MYO7A: variants seen among roughly 807,000 people sequenced by gnomAD.
The protein encoded by MYO7A is unconventional myosin-VIIa.
MYO7A carries 210 observed loss-of-function variants against 263.8 expected under a neutral mutation model. The ratio of observed to expected loss-of-function variants is 0.80; its 90% confidence interval spans 0.71 to 0.89. The LOEUF (loss-of-function observed/expected upper bound fraction) is 0.89, where lower values mean the gene tolerates loss of function less well. MYO7A is among the 40% of genes least tolerant of loss of function. MYO7A has a pLI of 0.00. For synonymous variants in MYO7A, 1,239 were observed against 1,197.3 expected, an observed-to-expected ratio of 1.03 and a Z score of -0.72; for missense variants, 2,820 against 2,968.3, an observed-to-expected ratio of 0.95 and a Z score of 1.16.
At chr11:77,143,803 G>A (rs1474870171) in intron 3 of MYO7A, among the ~76,000 whole-genome samples, 1 of 152,188 alleles carries the variant, frequency 6.6e-6, no homozygotes, top group Non-Finnish European at 1.5e-5. Flanking sequence ...AGGAGAAAGA[G>A]GGTGCAGGGA....
At position 77,180,535 on chromosome 11, in the gene MYO7A, C is replaced by A; in HGVS notation, c.2694+54C>A. On this transcript the variant is annotated intron_variant, in intron 22 of 48. Coordinates refer to ENST00000409709, the MANE Select transcript of MYO7A (RefSeq NM_000260.4). ...GTGTCCACTTGCTGGCTTGTCCCCT[C>A]CCCGAGGCTGGCTTCTCATCTGTCA... The A allele has an allele frequency of 3.3e-6, 5 of 1,509,904 alleles. No individual in the cohort carries two copies. In the South Asian group the frequency reaches 5.9e-5, roughly 18 times the overall value. The allele number at this position is 1,509,904 out of a possible 1,614,324, so 93.5% of individuals were successfully genotyped here.
At position 77,182,686 on chromosome 11, in the gene MYO7A, G is replaced by GA. The variant is rs112227803; in HGVS notation, c.3285+91dup. The GA allele has an allele frequency of 0.55, 772,009 of 1,406,062 alleles. 217,511 individuals carry two copies. The highest frequency in any genetic ancestry group is 0.64 in the African/African-American group (44,676 of 69,796). 87.1% of individuals were successfully genotyped at this position (1,406,062 alleles called of 1,614,324 possible). On this transcript the variant is annotated intron_variant, in intron 25 of 48. Coordinates refer to ENST00000409709, the MANE Select transcript of MYO7A (RefSeq NM_000260.4). ...ATCACCAGCCTTGGGCTCCTCTGCAGAAAAAGGATCCTATAATTCATCTCT... is the reference window on the plus strand; with the variant it reads ...ATCACCAGCCTTGGGCTCCTCTGCAGAAAAAAGGATCCTATAATTCATCTCT...
At chr11:77,180,217 C>A (rs1349979330) in intron 21 of MYO7A, among the ~76,000 whole-genome samples, 157 bp from the exon 22 acceptor site, 1 of 151,994 alleles carries the variant, frequency 6.6e-6, no homozygotes, top group Non-Finnish European at 1.5e-5. Context: ...TGCCTCCAGC[C>A]CGCTGGGTGA....
intron 23 of MYO7A, 109 bp from the exon 24 acceptor site, chr11:77,181,842 T>A: frequency 1.1e-6 from 1 of 894,560 alleles, no homozygotes; most frequent in Non-Finnish European, 1.7e-6. Flanking sequence ...TGGAGTGCAG[T>A]AGCGTGATCA....
rs775117001 is a variant in MYO7A, at chr11:77,203,259, G to A, written c.5326+42G>A. 201 of 1,538,272 alleles carry A rather than the reference G, an allele frequency of 1.3e-4. 1 individual carries two copies. The Middle Eastern group carries it at 2.5e-3, about 19-fold the overall frequency. ...GCTGTGCCCAGGGGAGCCAGGGACC[G>A]GGCAGGGCCTTCGTCTGCACACTGC... is the stretch of plus-strand genomic sequence containing the variant. On this transcript the variant is annotated intron_variant, in intron 38 of 48. Coordinates refer to ENST00000409709, the MANE Select transcript of MYO7A (RefSeq NM_000260.4).
Position 77,161,018 on chromosome 11 carries a change from G to C in MYO7A, c.1246G>C (p.Ala416Pro), listed in dbSNP as rs373894293. ...CGTGTGGATTGTGGACAAGATCAACGCAGCAATTTACAAGCCTCCCTCCCA... is the reference window on the plus strand; with the variant it reads ...CGTGTGGATTGTGGACAAGATCAACCCAGCAATTTACAAGCCTCCCTCCCA... ...LFVWIVDKIN[A>P]AIYKPPSQDV... The change falls in exon 12 of 49, where the codon GCA (alanine) becomes CCA (proline). Residue 416 changes from alanine (A) to proline (P), a missense_variant. Physicochemically the swap from Ala to Pro is conservative, Grantham distance 27. Coordinates refer to ENST00000409709, the MANE Select transcript of MYO7A (RefSeq NM_000260.4). 6.2e-7 allele frequency: 1 copy of C among 1,613,086 alleles called. No homozygotes were observed. The highest frequency in any genetic ancestry group is 8.5e-7 in the Non-Finnish European group (1 of 1,179,594).
rs527245715 is a variant in MYO7A, at chr11:77,214,960, G to A, written c.*264G>A. 3.2e-5 allele frequency: 15 copies of A among 465,666 alleles called. No individual in the cohort carries two copies. Among genetic ancestry groups the A allele is most frequent in the African/African-American group, 1.7e-4 (9 of 51,450 alleles). The allele number at this position is 465,666 out of a possible 1,614,324, so 28.8% of individuals were successfully genotyped here. A position where few individuals can be genotyped will look rare whatever the true frequency, so the allele number is the denominator to read the frequency against. ...TGCTGTGGCCTTCCCGGTTGTGAGA[G>A]CCTGTGATCCTTAGATGTGTCTCCT... On this transcript the variant is annotated 3_prime_UTR_variant, in exon 49 of 49. Coordinates refer to ENST00000409709, the MANE Select transcript of MYO7A (RefSeq NM_000260.4).
intron 47 of MYO7A, 105 bp from the exon 48 acceptor site, chr11:77,213,755 C>A: frequency 6.5e-7 from 1 of 1,532,030 alleles, no homozygotes; most frequent in Non-Finnish European, 8.9e-7. Flanking sequence ...TTCCCTCCGG[C>A]CATGGGCTCC....
intron 38 of MYO7A, among the ~76,000 whole-genome samples, chr11:77,203,811 G>A (rs183380728): frequency 6.6e-6 from 1 of 152,276 alleles, no homozygotes; most frequent in Admixed American, 6.5e-5. Flanking sequence ...CTAAGGCCAG[G>A]GTGAACCACT....
intron 14 of MYO7A, among the ~76,000 whole-genome samples, chr11:77,163,316 T>C (rs1409917345): frequency 1.3e-5 from 2 of 152,162 alleles, no homozygotes; most frequent in African/African-American, 4.8e-5. Context: ...TGAGTTTGAC[T>C]ATTCTAGGTA....
chr11:77,159,476 G>A lies in MYO7A; in HGVS notation c.1033G>A (p.Glu345Lys). ...ARTFENLDAC[E>K]VLFSPSLATA... ...CACATTTGAAAACCTGGATGCCTGT[G>A]AGGTTCTCTTCTCCCCATCGCTGGC... Residue 345 changes from glutamate (E) to lysine (K), a missense_variant, in exon 10 of 49, where the codon GAG becomes AAG. Physicochemically the swap from Glu to Lys is moderately conservative, Grantham distance 56. Coordinates refer to ENST00000409709, the MANE Select transcript of MYO7A (RefSeq NM_000260.4). 3 of 1,611,840 alleles carry A rather than the reference G, an allele frequency of 1.9e-6. No homozygotes were observed. The highest frequency in any genetic ancestry group is 1.1e-5 in the South Asian group (1 of 91,042).
intron 10 of MYO7A, among the ~76,000 whole-genome samples, chr11:77,159,800 A>G (rs533361994): frequency 6.6e-6 from 1 of 152,306 alleles, no homozygotes; most frequent in South Asian, 2.1e-4. Context: ...CAGTCTCCAC[A>G]TCTGGGCAAA....
chr11:77,179,187 C>A, intron 20 of MYO7A, 58 bp downstream of exon 20: 1 of 1,480,414 alleles, frequency 6.8e-7, no homozygotes, highest in Non-Finnish European at 9.2e-7. Flanking sequence ...AGCCTTGCTG[C>A]CATGGCAGTG....
rs1027171681 is a variant in MYO7A, at chr11:77,193,131, A to T, written c.4152+853A>T. On this transcript the variant is annotated intron_variant, in intron 31 of 48. Transcript: ENST00000409709. The stretch of plus-strand genomic sequence containing the variant: ...GCTGTTGGTGATGGTGGAGGTAGCG[A>T]TGCTGTTGGTGATCGTGGAGGTAGC... 1.6e-3 allele frequency among the ~76,000 whole-genome samples: 123 copies of T among 75,286 alleles called. 12 individuals carry two copies. The highest frequency in any genetic ancestry group is 1.4e-3 in the African/African-American group (28 of 20,320). The allele number at this position is 75,286 out of a possible 152,430, so 49.4% of individuals were successfully genotyped here.
Position 77,214,011 on chromosome 11 carries a change from T to TC in MYO7A, c.6558+35dup, listed in dbSNP as rs371373969. ...GCGCATCCTGCTGGGCCTAGTGGGCTCCCTGCCTTGCCTGCAGCGTAGCCA... is the reference window on the plus strand; with the variant it reads ...GCGCATCCTGCTGGGCCTAGTGGGCTCCCCTGCCTTGCCTGCAGCGTAGCCA... On this transcript the variant is annotated intron_variant, in intron 48 of 48. Coordinates refer to ENST00000409709, the MANE Select transcript of MYO7A (RefSeq NM_000260.4). The TC allele has an allele frequency of 9.8e-5, 158 of 1,612,928 alleles. 1 individual carries two copies. The African/African-American group carries it at 1.9e-3, about 19-fold the overall frequency.
At chr11:77,140,477 A>ACCTC (rs1555049958) in intron 2 of MYO7A, among the ~76,000 whole-genome samples, 1 of 152,238 alleles carries the variant, frequency 6.6e-6, no homozygotes, top group African/African-American at 2.4e-5. Flanking sequence ...TGAGGAGAGA[A>ACCTC]ATTGGAGACA....
intron 8 of MYO7A, 57 bp from the exon 9 acceptor site, chr11:77,158,220 C>T: frequency 6.7e-7 from 1 of 1,496,218 alleles, no homozygotes; most frequent in Non-Finnish European, 9.0e-7. Context: ...CAGGCACTGC[C>T]CCTCTGGGGG....
Position 77,194,519 on chromosome 11 carries a change from A to C in MYO7A, c.4318A>C (p.Lys1440Gln). The C allele has an allele frequency of 6.3e-7, 1 of 1,595,172 alleles. No individual in the cohort carries two copies. Among genetic ancestry groups the C allele is most frequent in the Non-Finnish European group, 8.5e-7 (1 of 1,171,262 alleles). ...GGCCCAGCTGGCCATCGCCGCCCAC[A>C]AGAAGGTAGAAGGGCTGAGAGGAGT... The part of the protein sequence containing the change: ...KWAQLAIAAH[K>Q]KGIYAQRRTD... Residue 1440 changes from lysine (K) to glutamine (Q), a missense_variant, in exon 32 of 49, where the codon AAG (lysine) becomes CAG (glutamine). Coordinates refer to ENST00000409709, the MANE Select transcript of MYO7A (RefSeq NM_000260.4).
Position 77,211,340 on chromosome 11 carries a change from G to A in MYO7A, c.6237+3G>A, listed in dbSNP as rs1202960952. The A allele has an allele frequency of 6.4e-7, 1 of 1,574,312 alleles. No individual in the cohort carries two copies. ...TCTCACCTGATGACTGGAAGCGGGT[G>A]AGCATGGGGTGGGCATCGGGAATGG... On this transcript the variant is annotated splice_donor_region_variant and intron_variant, in intron 45 of 48. Transcript: ENST00000409709.
Sources: gnomAD v4.1 joint callset for allele counts (sites outside exome capture counted in the v4.1 genomes callset) on GRCh38, gnomAD v4.1.1 for gene constraint, MANE v1.5 for transcripts, NCBI Gene and HGNC (gene_info 2026-07-23, HGNC 2026-07-21) for gene names.